Variants in C16orf74 observed in about 807,000 individuals in gnomAD.
The protein encoded by C16orf74 is uncharacterized protein C16orf74.
A neutral mutation model predicts 6.5 loss-of-function variants in C16orf74; 10 were observed. That is an observed-to-expected ratio of 1.54 (90% CI 0.95 to 2.61). The LOEUF (loss-of-function observed/expected upper bound fraction) is 2.61. Ranked by LOEUF, C16orf74 falls within the 30% of genes most tolerant of loss-of-function variation. The pLI, the probability that C16orf74 is intolerant of heterozygous loss-of-function variation, is 0.00. For synonymous variants in C16orf74, 60 were observed against 42.5 expected (o/e 1.41, Z -1.60); for missense variants, 141 against 105.9 (o/e 1.33, Z -1.45).
Position 85,707,964 on chromosome 16 carries a change from G to A in C16orf74, c.*44C>T, listed in dbSNP as rs1238768020. On this transcript the variant is annotated 3_prime_UTR_variant, in exon 4 of 4. Transcript: ENST00000284245. ...CCACGCCCCCGGACACCTGAAGCCG[G>A]GCCGCTGGAGCAGGAGCCAGCCAGC... 6 of 1,533,338 alleles carry A rather than the reference G, an allele frequency of 3.9e-6. 1 individual carries two copies. Among genetic ancestry groups the A allele is most frequent in the Middle Eastern group, 3.4e-4 (2 of 5,960 alleles). The allele number at this position is 1,533,338 out of a possible 1,614,324, so 95.0% of individuals were successfully genotyped here.
chr16:85,714,179 G>A (rs1164215311), intron 2 of C16orf74, among the ~76,000 whole-genome samples: 4 of 152,072 alleles, frequency 2.6e-5, no homozygotes, highest in African/African-American at 9.7e-5. Flanking sequence ...CTGGGCTGGG[G>A]AGAGACGGCC....
intron 1 of C16orf74, among the ~76,000 whole-genome samples, chr16:85,747,348 G>C (rs921132584): frequency 6.6e-6 from 1 of 152,126 alleles, no homozygotes; most frequent in Non-Finnish European, 1.5e-5. Context: ...ACTACTTGGG[G>C]GGCTGAGTTG....
intron 2 of C16orf74, among the ~76,000 whole-genome samples, chr16:85,712,739 C>A (rs1464045804): frequency 1.3e-5 from 2 of 152,222 alleles, no homozygotes; most frequent in Non-Finnish European, 2.9e-5. Context: ...CCTCTCTGGG[C>A]CCTTTGTGCA....
intron 1 of C16orf74, chr16:85,743,398 G>GC (rs2054331834): frequency 6.6e-6 from 1 of 152,092 alleles, no homozygotes; most frequent in South Asian, 2.1e-4. Flanking sequence ...CCCTAACAAT[G>GC]CCCTAAGAGA....
chr16:85,746,967 G>A (rs1332328840), intron 1 of C16orf74, among the ~76,000 whole-genome samples: 2 of 152,098 alleles, frequency 1.3e-5, no homozygotes, highest in African/African-American at 4.8e-5. Flanking sequence ...ACGGTCCTGC[G>A]GGGACAGTGA....
At chr16:85,741,302 C>G (rs111270017) in intron 1 of C16orf74, among the ~76,000 whole-genome samples, 1,534 of 152,308 alleles carry the variant, frequency 0.01, 31 homozygotes, top group African/African-American at 0.034. Context: ...CACCACCTCC[C>G]TGAAGAGGTG....
chr16:85,719,070 G>T (rs1350966982), intron 2 of C16orf74, among the ~76,000 whole-genome samples: 1 of 152,242 alleles, frequency 6.6e-6, no homozygotes, highest in African/African-American at 2.4e-5. Context: ...TCTGCTTCCT[G>T]CTGTGACACT....
intron 2 of C16orf74, among the ~76,000 whole-genome samples, chr16:85,725,116 C>G (rs1323015223): frequency 6.6e-6 from 1 of 152,218 alleles, no homozygotes; most frequent in South Asian, 2.1e-4. Context: ...GGTGCCCGCT[C>G]TGCCCTGGGC....
chr16:85,720,750 T>C (rs1480990409), intron 2 of C16orf74, among the ~76,000 whole-genome samples: 4 of 122,894 alleles, frequency 3.3e-5, no homozygotes, highest in East Asian at 2.5e-4. Flanking sequence ...CACCCCAGCC[T>C]GGGCAAGAGA....
At chr16:85,722,553 T>A (rs763419188) in intron 2 of C16orf74, among the ~76,000 whole-genome samples, 13 of 152,214 alleles carry the variant, frequency 8.5e-5, no homozygotes, top group Admixed American at 5.9e-4. Context: ...CTCTGCAAGG[T>A]GAGCTCTCCG....
rs1227264248 is a variant in C16orf74 at position 85,707,961 on chromosome 16, C to T, written c.*47G>A. 5.2e-6 allele frequency: 8 copies of T among 1,524,326 alleles called. No individual in the cohort carries two copies. The highest frequency in any genetic ancestry group is 6.2e-6 in the Non-Finnish European group (7 of 1,124,600). The allele number at this position is 1,524,326 out of a possible 1,614,324, so 94.4% of individuals were successfully genotyped here. On this transcript the variant is annotated 3_prime_UTR_variant, in exon 4 of 4. Coordinates refer to ENST00000284245, the MANE Select transcript of C16orf74 (RefSeq NM_206967.3). ...CAGCCACGCCCCCGGACACCTGAAG[C>T]CGGGCCGCTGGAGCAGGAGCCAGCC...
intron 2 of C16orf74, among the ~76,000 whole-genome samples, chr16:85,723,310 C>A (rs1276737277): frequency 6.7e-6 from 1 of 149,846 alleles, no homozygotes; most frequent in East Asian, 1.9e-4. Context: ...TGCCTGTAAT[C>A]CCAGCACTTT....
At chr16:85,737,961 ATTT>A (rs34329302) in intron 1 of C16orf74, among the ~76,000 whole-genome samples, 35 of 136,878 alleles carry the variant, frequency 2.6e-4, no homozygotes, top group Admixed American at 2.9e-4. Context: ...TTTTTTTGTG[ATTT>A]TTTTTTTTTT....
intron 2 of C16orf74, among the ~76,000 whole-genome samples, chr16:85,720,794 G>A (rs564903330): frequency 2.0e-5 from 3 of 149,004 alleles, no homozygotes; most frequent in African/African-American, 7.4e-5. Flanking sequence ...AAAAAAAAGC[G>A]GTTGGGGGTG....
At chr16:85,722,211 G>T (rs888319382) in intron 2 of C16orf74, among the ~76,000 whole-genome samples, 1 of 152,054 alleles carries the variant, frequency 6.6e-6, no homozygotes, top group African/African-American at 2.4e-5. Context: ...CTGCAGTGCT[G>T]TCATAAGGAT....
chr16:85,716,337 A>C (rs74195512), intron 2 of C16orf74, among the ~76,000 whole-genome samples: 2 of 123,070 alleles, frequency 1.6e-5, no homozygotes, highest in Non-Finnish European at 3.4e-5. Flanking sequence ...TTGGGGGAGA[A>C]GAGGGAGGGA....
intron 2 of C16orf74, among the ~76,000 whole-genome samples, chr16:85,724,156 T>A (rs1220930227): frequency 6.6e-6 from 1 of 152,144 alleles, no homozygotes; most frequent in East Asian, 1.9e-4. Flanking sequence ...CCTCCCAAAG[T>A]GCTGGGATTA....
chr16:85,709,897 G>A (rs577611277), intron 3 of C16orf74, among the ~76,000 whole-genome samples: 2 of 151,288 alleles, frequency 1.3e-5, no homozygotes, highest in Non-Finnish European at 1.5e-5. Context: ...GCGGCGTGGC[G>A]GGCCAGCCCG....
At chr16:85,738,830 A>C (rs1399628228) in intron 1 of C16orf74, among the ~76,000 whole-genome samples, 1 of 152,084 alleles carries the variant, frequency 6.6e-6, no homozygotes, top group Non-Finnish European at 1.5e-5. Flanking sequence ...ATGTGTATTC[A>C]TGGTTAGTGA....
Sources: gnomAD v4.1 joint callset for allele counts (sites outside exome capture counted in the v4.1 genomes callset) on GRCh38, gnomAD v4.1.1 for gene constraint, MANE v1.5 for transcripts, NCBI Gene and HGNC (gene_info 2026-07-23, HGNC 2026-07-21) for gene names.